The following ABR variants were observed in gnomAD, a reference collection of about 807,000 sequenced individuals.
ABR encodes the protein ABR activator of RhoGEF and GTPase, also known as active breakpoint cluster region-related protein.
A neutral mutation model predicts 107.2 loss-of-function variants in ABR; 35 were observed. That is an observed-to-expected ratio of 0.33 (90% CI 0.25 to 0.43). The LOEUF is 0.43. ABR is among the 20% of genes least tolerant of loss of function. ABR has a pLI of 1.00. For synonymous variants in ABR, 498 were observed against 462.0 expected (o/e 1.08, Z -1.00); for missense variants, 815 against 1,115.2 (o/e 0.73, Z 3.83).
At chr17:1,123,686 GT>G (rs2039455723) in intron 2 of ABR, among the ~76,000 whole-genome samples, 1 of 152,216 alleles carries the variant, frequency 6.6e-6, no homozygotes, top group Non-Finnish European at 1.5e-5. Context: ...TGAGAGCTGA[GT>G]CCCCCCGGGC....
Position 1,084,400 on chromosome 17 carries a change from G to A in ABR, c.532-773C>T, listed in dbSNP as rs2036460041. The stretch of plus-strand genomic sequence containing the variant: ...TCAAAAAGAAAACAAAACAACAAAT[G>A]AAGATGCTGTCTTTCCATTTCCCTT... On this transcript the variant is annotated intron_variant, in intron 4 of 22. Coordinates refer to ENST00000302538, the MANE Select transcript of ABR (RefSeq NM_021962.5). This position sits in a 1 kb window ranked among gnomAD's most constrained non-coding sequence, Gnocchi z 4.2. Among the ~76,000 whole-genome samples the A allele has an allele frequency of 6.6e-6, 1 of 152,136 alleles. No homozygotes were observed. The highest frequency in any genetic ancestry group is 1.5e-5 in the Non-Finnish European group (1 of 68,008).
At chr17:1,168,377 C>T (rs2041593551) in intron 1 of ABR, among the ~76,000 whole-genome samples, 1 of 152,220 alleles carries the variant, frequency 6.6e-6, no homozygotes, top group South Asian at 2.1e-4. Context: ...AGGGATCTCA[C>T]TAAGGCCAGT....
intron 16 of ABR, among the ~76,000 whole-genome samples, chr17:1,021,223 G>C (rs886836634): frequency 1.3e-5 from 2 of 152,188 alleles, no homozygotes; most frequent in Admixed American, 6.5e-5. Context: ...TGATCCAGGG[G>C]CTCACTGGAC....
At chr17:1,199,174 G>C (rs4395132) in intron 1 of ABR, among the ~76,000 whole-genome samples, 11 of 150,710 alleles carry the variant, frequency 7.3e-5, no homozygotes, top group Non-Finnish European at 1.3e-4. Flanking sequence ...TCAGGGTCAC[G>C]AATGCCTGGT....
chr17:1,105,549 T>C (rs1187699847), intron 2 of ABR, among the ~76,000 whole-genome samples: 3 of 151,754 alleles, frequency 2.0e-5, no homozygotes, highest in Non-Finnish European at 4.4e-5. Context: ...GAAACAGAAA[T>C]AGAGATGTTT....
intron 1 of ABR, among the ~76,000 whole-genome samples, chr17:1,153,248 C>A (rs1032571379): frequency 1.3e-5 from 2 of 152,154 alleles, no homozygotes; most frequent in Non-Finnish European, 1.5e-5. Context: ...CCAAGGAAGG[C>A]CCCCTGACAC....
chr17:1,122,114 G>C (rs930788093), intron 2 of ABR, among the ~76,000 whole-genome samples: 2 of 152,126 alleles, frequency 1.3e-5, no homozygotes, highest in Non-Finnish European at 2.9e-5. Flanking sequence ...TGTTGGCCAG[G>C]CTAGTCTCAA....
At chr17:1,036,283 G>C (rs1423002333) in intron 16 of ABR, among the ~76,000 whole-genome samples, 2 of 152,148 alleles carry the variant, frequency 1.3e-5, no homozygotes, top group Non-Finnish European at 2.9e-5. Context: ...AGTTGGGGCG[G>C]GGAGAGCCCC....
Position 1,010,587 on chromosome 17 carries a change from C to G in ABR, c.2236+142G>C. ...AGCAGGCCACACCTCACCCTCGGAC[C>G]CCTCAGCCACAGGCCCCAGTGCACT... is the stretch of plus-strand genomic sequence containing the variant. On this transcript the variant is annotated intron_variant, in intron 20 of 22. Coordinates refer to ENST00000302538, the MANE Select transcript of ABR (RefSeq NM_021962.5). This position sits in a 1 kb window ranked among gnomAD's most constrained non-coding sequence, Gnocchi z 4.1. 1 of 1,164,808 alleles carries G rather than the reference C, an allele frequency of 8.6e-7. No homozygotes were observed. The highest frequency in any genetic ancestry group is 1.2e-6 in the Non-Finnish European group (1 of 835,572). 72.2% of individuals were successfully genotyped at this position (1,164,808 alleles called of 1,614,324 possible). A position where few individuals can be genotyped will look rare whatever the true frequency, so the allele number is the denominator to read the frequency against.
chr17:1,144,402 A>C (rs1244838697), intron 1 of ABR, among the ~76,000 whole-genome samples: 1 of 152,004 alleles, frequency 6.6e-6, no homozygotes, highest in Admixed American at 6.6e-5. Flanking sequence ...CGAGGTGGGC[A>C]TGGGGCCAGG....
At position 1,125,335 on chromosome 17, in the gene ABR, C is replaced by G; in HGVS notation, c.94G>C (p.Glu32Gln). 6.2e-7 allele frequency: 1 copy of G among 1,613,934 alleles called. No homozygotes were observed. The highest frequency in any genetic ancestry group is 8.5e-7 in the Non-Finnish European group (1 of 1,179,984). Residue 32 changes from glutamate (E) to glutamine (Q), a missense_variant, in exon 2 of 23, where the codon GAG becomes CAG. Glu to Gln is a conservative substitution (Grantham distance 29). This residue lies in a region of ABR where 129 missense variants were observed against 124.8 expected (regional missense o/e 1.03). Transcript: ENST00000302538. ...FSYGTDEYDG[E>Q]GNEEQKGPPE... is the part of the protein sequence containing the mutation. ...GGCCCCTTCTGCTCCTCATTCCCCT[C>G]TCCGTCGTACTCGTCCGTCCCGTAG... is the stretch of plus-strand genomic sequence containing the variant.
At chr17:1,175,329 T>G (rs1392597283) in intron 1 of ABR, among the ~76,000 whole-genome samples, 3 of 151,976 alleles carry the variant, frequency 2.0e-5, no homozygotes, top group Non-Finnish European at 4.4e-5. Flanking sequence ...GGAGAATCGC[T>G]TGAACCGGGG....
intron 1 of ABR, among the ~76,000 whole-genome samples, chr17:1,212,109 G>C (rs560608052): frequency 2.9e-5 from 4 of 138,680 alleles, no homozygotes; most frequent in Non-Finnish European, 4.5e-5. Flanking sequence ...ACTATAACAA[G>C]AAGAAGAATG....
intron 16 of ABR, among the ~76,000 whole-genome samples, chr17:1,013,964 C>T (rs528799256): frequency 2.0e-5 from 3 of 152,330 alleles, no homozygotes; most frequent in Admixed American, 6.5e-5. Context: ...AGCAACTGTG[C>T]GCTCCCTGGC....
intron 1 of ABR, among the ~76,000 whole-genome samples, chr17:1,198,519 G>T (rs2042612245): frequency 6.6e-6 from 1 of 151,132 alleles, no homozygotes; most frequent in African/African-American, 2.5e-5. Flanking sequence ...GAGGCGGGTG[G>T]ATCACCTGAG....
At position 1,057,305 on chromosome 17, in the gene ABR, GGTTTGTGT is replaced by G. The variant is rs1343434318; in HGVS notation, c.1382-211_1382-204del. On this transcript the variant is annotated intron_variant, in intron 12 of 22. Transcript: ENST00000302538. ...CAGAGTAGGAGAATCTAACTGAAGA[GGTTTGTGT>G]GTGTGTGTGTGTGTGTGTGTGTGTG... is the stretch of plus-strand genomic sequence containing the variant. 2.8e-3 allele frequency among the ~76,000 whole-genome samples: 376 copies of G among 136,410 alleles called. 27 individuals carry two copies. Among genetic ancestry groups the G allele is most frequent in the South Asian group, 9.8e-3 (40 of 4,076 alleles). 89.5% of individuals were successfully genotyped at this position (136,410 alleles called of 152,430 possible). A position where few individuals can be genotyped will look rare whatever the true frequency, so the allele number is the denominator to read the frequency against.
At chr17:1,105,255 G>A (rs867152034) in intron 2 of ABR, among the ~76,000 whole-genome samples, 1 of 151,902 alleles carries the variant, frequency 6.6e-6, no homozygotes, top group South Asian at 2.1e-4. Flanking sequence ...GATCCACCGC[G>A]CCCAGTCTCC....
rs76996024 is a variant in ABR at position 1,033,969 on chromosome 17, A to G, written c.1791+16081T>C. Among the ~76,000 whole-genome samples, 3 of 124,594 alleles carry G rather than the reference A, an allele frequency of 2.4e-5. No homozygotes were observed. In the East Asian group the frequency reaches 6.9e-4, roughly 28 times the overall value. 81.7% of individuals were successfully genotyped at this position (124,594 alleles called of 152,430 possible). ...CCCACTGCTTGGTCCCACTCATGTC[A>G]TTTTTTTTTTTTTTTTTTTGAGGCA... On this transcript the variant is annotated intron_variant, in intron 16 of 22. Transcript: ENST00000302538.
chr17:1,131,300 G>A (rs553932687), intron 1 of ABR, among the ~76,000 whole-genome samples: 1 of 13,418 alleles, frequency 7.5e-5, no homozygotes, highest in Admixed American at 1.1e-3. Context: ...TGCCTGCCAC[G>A]CACACAGCTC....
Sources: gnomAD v4.1 joint callset for allele counts (sites outside exome capture counted in the v4.1 genomes callset) on GRCh38, gnomAD v4.1.1 for gene constraint, gnomAD v4.1.1 regional missense constraint, Gnocchi (gnomAD v3.1) non-coding constraint, MANE v1.5 for transcripts, NCBI Gene and HGNC (gene_info 2026-07-23, HGNC 2026-07-21) for gene names.